Variants in CDH2 observed in about 807,000 individuals in gnomAD.
CDH2 encodes the protein cadherin 2.
A neutral mutation model predicts 92.0 loss-of-function variants in CDH2; 17 were observed. The observed-to-expected ratio is 0.18, with a 90% CI of 0.13 to 0.28. CDH2 has a LOEUF of 0.28. Among genes scored for constraint, CDH2 ranks in the 10% least tolerant of loss-of-function variants. The pLI is 1.00. For missense variants in CDH2, 862 were observed against 1,133.1 expected, an observed-to-expected ratio of 0.76 and a Z score of 3.44; for synonymous variants, 419 against 415.9, an observed-to-expected ratio of 1.01 and a Z score of -0.09.
At chr18:28,149,668 G>C (rs1161432427) in intron 1 of CDH2, among the ~76,000 whole-genome samples, 1 of 152,176 alleles carries the variant, frequency 6.6e-6, no homozygotes, top group East Asian at 1.9e-4. Context: ...AAACAGCATA[G>C]TGATAAACAT....
At chr18:28,156,793 T>C (rs35695192) in intron 1 of CDH2, among the ~76,000 whole-genome samples, 10 of 105,338 alleles carry the variant, frequency 9.5e-5, no homozygotes, top group East Asian at 6.1e-4. Context: ...TTCCCAGGTA[T>C]AGCATGTCAC....
chr18:27,939,446 G>A (rs1909088038), intron 6 of CDH2, among the ~76,000 whole-genome samples: 1 of 152,142 alleles, frequency 6.6e-6, no homozygotes, highest in African/African-American at 2.4e-5. Flanking sequence ...GACCTTTATA[G>A]TAGAAATGGA....
At chr18:28,049,152 T>C (rs1867285) in intron 2 of CDH2, among the ~76,000 whole-genome samples, 25,236 of 152,072 alleles carry the variant, frequency 0.17, 2,429 homozygotes, top group East Asian at 0.3. Flanking sequence ...GGGCTTCTGA[T>C]TGATTTGCTT....
chr18:28,122,026 C>T (rs1042946515), intron 2 of CDH2, among the ~76,000 whole-genome samples: 5 of 152,048 alleles, frequency 3.3e-5, no homozygotes, highest in African/African-American at 1.2e-4. Flanking sequence ...GTGTTGGTGC[C>T]TCTGGATTTC....
chr18:27,982,909 A>T, intron 14 of CDH2, 35 bp downstream of exon 14: 1 of 1,445,694 alleles, frequency 6.9e-7, no homozygotes, highest in Non-Finnish European at 9.4e-7. Context: ...ATACGATCAT[A>T]AAATTTATTT....
At chr18:27,955,388 AAAAGAAAG>A (rs200515861) in intron 15 of CDH2, among the ~76,000 whole-genome samples, 19 of 90,780 alleles carry the variant, frequency 2.1e-4, no homozygotes, top group Admixed American at 1.2e-3. Context: ...AAAAAAAAGA[AAAAGAAAG>A]AAAAAGAGAA....
chr18:28,089,636 A>C (rs1040918136), intron 2 of CDH2, among the ~76,000 whole-genome samples: 2 of 152,204 alleles, frequency 1.3e-5, no homozygotes, highest in African/African-American at 4.8e-5. Flanking sequence ...CAAGTCCAAT[A>C]ATCTTTTCTA....
chr18:27,971,102 G>A (rs1025114971), intron 14 of CDH2, among the ~76,000 whole-genome samples: 2 of 152,100 alleles, frequency 1.3e-5, no homozygotes, highest in Non-Finnish European at 2.9e-5. Context: ...TGGGCGTCGT[G>A]GCACACGCCT....
intron 2 of CDH2, among the ~76,000 whole-genome samples, chr18:28,027,303 T>G (rs1427574863): frequency 2.6e-5 from 4 of 151,856 alleles, no homozygotes; most frequent in African/African-American, 4.8e-5. Context: ...AAACTTGTTG[T>G]AGGTTAAGTT....
chr18:27,985,076 A>G lies in CDH2; in HGVS notation c.2133T>C (p.Asp711=). The G allele has an allele frequency of 6.2e-7, 1 of 1,614,196 alleles. No individual in the cohort carries two copies. ...GCCCCGCACCCACAATCCTGTCCAC[A>G]TCTGTGCAGTCCCCGTTGGAGTCAC... is the stretch of plus-strand genomic sequence containing the variant. ...CQCDSNGDCT[D]VDRIVGAGLG... The change falls in exon 13 of 16, where the codon GAT becomes GAC. Residue 711 remains aspartate, a synonymous_variant. Transcript: ENST00000269141.
In CDH2 at chr18:27,988,681, T is replaced by C. The variant is rs1213685720; in HGVS notation, c.1599-15A>G. ...ATTTAGTGTATCTACAAAATGAAAG[T>C]GAAGTTTAATTTCTTTTTATGAAAC... On this transcript the variant is annotated splice_polypyrimidine_tract_variant and intron_variant, in intron 10 of 15. Coordinates refer to ENST00000269141, the MANE Select transcript of CDH2 (RefSeq NM_001792.5). 2 of 1,568,326 alleles carry C rather than the reference T, an allele frequency of 1.3e-6. No homozygotes were observed. Among genetic ancestry groups the C allele is most frequent in the Non-Finnish European group, 1.7e-6 (2 of 1,144,374 alleles).
At chr18:28,067,449 T>A (rs2014531341) in intron 2 of CDH2, among the ~76,000 whole-genome samples, 1 of 152,170 alleles carries the variant, frequency 6.6e-6, no homozygotes, top group Admixed American at 6.6e-5. Context: ...CTATAAGATT[T>A]ACCTAAACAT....
intron 2 of CDH2, among the ~76,000 whole-genome samples, chr18:28,118,193 C>T (rs776784504): frequency 1.3e-5 from 2 of 151,764 alleles, no homozygotes; most frequent in Middle Eastern, 3.4e-3. Context: ...TTAATATTCA[C>T]ATACACCTGT....
intron 2 of CDH2, 45 bp downstream of exon 2, chr18:28,147,628 T>C (rs1327063116): frequency 8.4e-7 from 1 of 1,193,062 alleles, no homozygotes; most frequent in Non-Finnish European, 1.2e-6. Context: ...ATTTGTTTCA[T>C]GAGCATGGAC....
chr18:28,005,153 G>T (rs1012537910), intron 6 of CDH2, among the ~76,000 whole-genome samples: 1 of 152,100 alleles, frequency 6.6e-6, no homozygotes, highest in Non-Finnish European at 1.5e-5. Context: ...TAGCGGCCTG[G>T]CTTTTCTACT....
intron 1 of CDH2, among the ~76,000 whole-genome samples, chr18:28,164,548 C>A (rs929630611): frequency 6.6e-6 from 1 of 152,128 alleles, no homozygotes; most frequent in Non-Finnish European, 1.5e-5. Context: ...CTGGCATCAA[C>A]CAATATGGTA....
At chr18:28,090,189 G>A (rs2015010347) in intron 2 of CDH2, among the ~76,000 whole-genome samples, 1 of 152,140 alleles carries the variant, frequency 6.6e-6, no homozygotes, top group Admixed American at 6.6e-5. Context: ...ATTAGTAATT[G>A]TTCTTTTTTG....
intron 1 of CDH2, among the ~76,000 whole-genome samples, chr18:28,160,662 C>T (rs1346800748): frequency 2.0e-5 from 3 of 152,102 alleles, no homozygotes; most frequent in South Asian, 4.2e-4. Context: ...CAGTGGGGCC[C>T]GAGACTGAAA....
At chr18:28,068,976 A>G (rs1387720791) in intron 2 of CDH2, among the ~76,000 whole-genome samples, 1 of 152,154 alleles carries the variant, frequency 6.6e-6, no homozygotes, top group African/African-American at 2.4e-5. Context: ...GAAAAACACA[A>G]TGTTGTCACA....
Sources: gnomAD v4.1 joint callset for allele counts (sites outside exome capture counted in the v4.1 genomes callset) on GRCh38, gnomAD v4.1.1 for gene constraint, MANE v1.5 for transcripts, NCBI Gene and HGNC (gene_info 2026-07-23, HGNC 2026-07-21) for gene names.